SEMA6D: variants seen among roughly 807,000 people sequenced by gnomAD.
SEMA6D encodes the protein semaphorin-6D.
A neutral mutation model predicts 106.6 loss-of-function variants in SEMA6D; 35 were observed. The observed-to-expected ratio is 0.33, with a 90% CI of 0.25 to 0.44. SEMA6D has a LOEUF of 0.44. Among genes scored for constraint, SEMA6D ranks in the 20% least tolerant of loss-of-function variants. The pLI, the probability that SEMA6D is intolerant of heterozygous loss-of-function variation, is 1.00. For synonymous variants in SEMA6D, 499 were observed against 487.7 expected, an observed-to-expected ratio of 1.02 and a Z score of -0.31; for missense variants, 1,185 against 1,345.9, an observed-to-expected ratio of 0.88 and a Z score of 1.87.
Position 47,593,579 on chromosome 15 carries a change from T to C in SEMA6D, c.-86-7286T>C, listed in dbSNP as rs569638865. The stretch of plus-strand genomic sequence containing the variant: ...TCAAACACCAAGACATTCTCCCTTC[T>C]TTAAAAATTTGAGGGAAAAGATTCC... On this transcript the variant is annotated intron_variant, in intron 3 of 19. Coordinates refer to the SEMA6D transcript ENST00000558014. 3.3e-5 allele frequency among the ~76,000 whole-genome samples: 5 copies of C among 152,172 alleles called. No individual in the cohort carries two copies. The South Asian group carries it at 8.3e-4, about 25-fold the overall frequency.
chr15:47,569,921 C>T (rs1189913696), intron 3 of SEMA6D, among the ~76,000 whole-genome samples: 5 of 151,686 alleles, frequency 3.3e-5, no homozygotes, highest in African/African-American at 4.8e-5. Context: ...ATTAGACGGG[C>T]GTGGTGGTGG....
In SEMA6D at chr15:47,284,689, C is replaced by G. The variant is rs1021777896; in HGVS notation, c.-239+100271C>G. Among the ~76,000 whole-genome samples the G allele has an allele frequency of 3.3e-5, 5 of 152,246 alleles. No homozygotes were observed. The East Asian group carries it at 9.7e-4, about 29-fold the overall frequency. On this transcript the variant is annotated intron_variant, in intron 1 of 19. Transcript: ENST00000558014. ...CCATGGCATTCTATTGTCGGTTTTG[C>G]ATTGTTTTCCATATCTTCTTTTTAA...
At chr15:47,655,489 TA>T (rs2077773835) in intron 4 of SEMA6D, among the ~76,000 whole-genome samples, 1 of 152,246 alleles carries the variant, frequency 6.6e-6, no homozygotes, top group Admixed American at 6.5e-5. Context: ...ACAAATGTCT[TA>T]AATAAGACCA....
intron 1 of SEMA6D, among the ~76,000 whole-genome samples, chr15:47,372,927 C>G (rs897830436): frequency 2.6e-5 from 4 of 152,210 alleles, no homozygotes; most frequent in Non-Finnish European, 5.9e-5. Context: ...AGAAACATAA[C>G]TTTAATTCCT....
At chr15:47,286,429 CAAT>C (rs1195785626) in intron 1 of SEMA6D, among the ~76,000 whole-genome samples, 2 of 152,170 alleles carry the variant, frequency 1.3e-5, no homozygotes, top group South Asian at 2.1e-4. Context: ...TCATTTAAAA[CAAT>C]AATAAACACA....
At position 47,658,852 on chromosome 15, in the gene SEMA6D, A is replaced by C. The variant is rs929748337; in HGVS notation, c.-55+57956A>C. Among the ~76,000 whole-genome samples the C allele has an allele frequency of 3.9e-5, 6 of 152,304 alleles. No homozygotes were observed. The East Asian group carries it at 1.2e-3, about 29-fold the overall frequency. On this transcript the variant is annotated intron_variant, in intron 4 of 19. Transcript: ENST00000558014. ...TCCACAAACACACACACATATGTGC[A>C]CACAAACACACATACCCACACACAC...
At chr15:47,196,514 G>A (rs777928556) in intron 1 of SEMA6D, among the ~76,000 whole-genome samples, 14 of 152,216 alleles carry the variant, frequency 9.2e-5, no homozygotes, top group Middle Eastern at 3.4e-3. Flanking sequence ...CAGTTTTAAC[G>A]TTTTTTCAGA....
chr15:47,186,347 T>G (rs1312976148), intron 1 of SEMA6D, among the ~76,000 whole-genome samples: 1 of 152,104 alleles, frequency 6.6e-6, no homozygotes, highest in Admixed American at 6.5e-5. Context: ...GCTGTATGAT[T>G]TATTCCAAGG....
chr15:47,434,797 G>C (rs1376796242), intron 2 of SEMA6D, among the ~76,000 whole-genome samples: 2 of 152,124 alleles, frequency 1.3e-5, no homozygotes, highest in African/African-American at 4.8e-5. Flanking sequence ...ATCCAGGAAT[G>C]AGACTTAGTG....
intron 4 of SEMA6D, among the ~76,000 whole-genome samples, chr15:47,623,110 A>G (rs1050756847): frequency 1.3e-5 from 2 of 152,178 alleles, no homozygotes; most frequent in South Asian, 4.1e-4. Flanking sequence ...AGTGATGTCA[A>G]GTTTCTATCT....
chr15:47,555,540 T>C (rs2045892610), intron 3 of SEMA6D, among the ~76,000 whole-genome samples: 1 of 152,098 alleles, frequency 6.6e-6, no homozygotes, highest in Non-Finnish European at 1.5e-5. Context: ...GGTGGGAACA[T>C]TATGTGGGTA....
In SEMA6D at chr15:47,669,359, G is replaced by A. The variant is rs536294898; in HGVS notation, c.-55+68463G>A. Among the ~76,000 whole-genome samples the A allele has an allele frequency of 1.2e-4, 18 of 152,222 alleles. 1 individual carries two copies. Among genetic ancestry groups the A allele is most frequent in the African/African-American group, 4.3e-4 (18 of 41,532 alleles). On this transcript the variant is annotated intron_variant, in intron 4 of 19. Transcript: ENST00000558014. ...CTTCATCAGCTGTAAACTCCTATGG[G>A]CAGGGCTTCTTTTATTTTTCTCTGG...
chr15:47,185,375 C>A (rs1235207095), intron 1 of SEMA6D, among the ~76,000 whole-genome samples: 1 of 152,068 alleles, frequency 6.6e-6, no homozygotes, highest in African/African-American at 2.4e-5. Flanking sequence ...CACGGTATTT[C>A]CCCCATTGAA....
At chr15:47,348,219 G>A (rs138645006) in intron 1 of SEMA6D, among the ~76,000 whole-genome samples, 30 of 152,250 alleles carry the variant, frequency 2.0e-4, no homozygotes, top group African/African-American at 7.0e-4. Context: ...GAGCTCTAGA[G>A]CCAACCAGAA....
At chr15:47,740,864 C>T (rs536909520) in intron 1 of SEMA6D, among the ~76,000 whole-genome samples, 16 of 152,202 alleles carry the variant, frequency 1.1e-4, no homozygotes, top group East Asian at 9.7e-4. Flanking sequence ...TGACCCTTAA[C>T]GTCAAAGATA....
intron 4 of SEMA6D, among the ~76,000 whole-genome samples, chr15:47,628,073 T>G (rs1244458245): frequency 6.6e-6 from 1 of 152,088 alleles, no homozygotes; most frequent in Non-Finnish European, 1.5e-5. Context: ...ACCCCTCTGC[T>G]AATCCCACAC....
intron 1 of SEMA6D, among the ~76,000 whole-genome samples, chr15:47,732,644 T>C (rs2080196384): frequency 6.6e-6 from 1 of 152,244 alleles, no homozygotes; most frequent in Non-Finnish European, 1.5e-5. Context: ...TTGTTATTTA[T>C]ACATATTACC....
chr15:47,538,541 A>G (rs2045249856), intron 3 of SEMA6D, among the ~76,000 whole-genome samples: 2 of 152,238 alleles, frequency 1.3e-5, no homozygotes, highest in Non-Finnish European at 2.9e-5. Context: ...TAGCAAAGAT[A>G]TCTTATAGAA....
chr15:47,560,873 C>T (rs1198870740), intron 3 of SEMA6D, among the ~76,000 whole-genome samples: 2 of 151,920 alleles, frequency 1.3e-5, no homozygotes, highest in South Asian at 2.1e-4. Context: ...AAGATTGCCT[C>T]GGTCTAACAG....
Sources: allele counts gnomAD v4.1 joint callset (sites outside exome capture counted in the v4.1 genomes callset), GRCh38; gene constraint gnomAD v4.1.1; transcripts MANE v1.5; gene names NCBI Gene and HGNC (gene_info 2026-07-23, HGNC 2026-07-21).